Variants in ADARB1 observed in about 807,000 individuals in gnomAD.
ADARB1 encodes adenosine deaminase RNA specific B1, also known as double-stranded RNA-specific editase 1.
A neutral mutation model predicts 52.4 loss-of-function variants in ADARB1; 10 were observed. The observed-to-expected ratio is 0.19, with a 90% CI of 0.12 to 0.32. The LOEUF (loss-of-function observed/expected upper bound fraction) is 0.32, where lower values mean the gene tolerates loss of function less well. Ranked by LOEUF, ADARB1 falls within the 10% of genes least tolerant of loss-of-function variation. The pLI is 1.00. For missense variants in ADARB1, 643 were observed against 922.3 expected, an observed-to-expected ratio of 0.70 and a Z score of 3.92; for synonymous variants, 349 against 371.1, an observed-to-expected ratio of 0.94 and a Z score of 0.68.
intron 2 of ADARB1, among the ~76,000 whole-genome samples, chr21:45,154,848 G>T (rs1381911983): frequency 1.3e-5 from 2 of 152,222 alleles, no homozygotes; most frequent in African/African-American, 2.4e-5. Context: ...GAGCCACAGG[G>T]CAGGATTCTG....
chr21:45,161,824 CT>C (rs1467433570), intron 2 of ADARB1, among the ~76,000 whole-genome samples: 3 of 152,192 alleles, frequency 2.0e-5, no homozygotes, highest in African/African-American at 7.2e-5. Context: ...TCAGCACACA[CT>C]TTCCTCTGAA....
intron 4 of ADARB1, among the ~76,000 whole-genome samples, chr21:45,179,373 A>G (rs567022962): frequency 6.6e-6 from 1 of 152,374 alleles, no homozygotes; most frequent in Non-Finnish European, 1.5e-5. Flanking sequence ...ATTAAGGACC[A>G]ACCTGGGGAT....
At chr21:45,143,809 C>T (rs1052089534) in intron 2 of ADARB1, among the ~76,000 whole-genome samples, 4 of 152,248 alleles carry the variant, frequency 2.6e-5, no homozygotes, top group African/African-American at 4.8e-5. Context: ...CTCACCACCT[C>T]GCTGCAGTCT....
intron 8 of ADARB1, among the ~76,000 whole-genome samples, chr21:45,190,746 A>G (rs966741506): frequency 5.9e-5 from 9 of 152,182 alleles, no homozygotes; most frequent in African/African-American, 2.2e-4. Flanking sequence ...AAACTCTGGC[A>G]CCAGTCTCAT....
intron 9 of ADARB1, among the ~76,000 whole-genome samples, chr21:45,207,223 A>C (rs2092684157): frequency 6.6e-6 from 1 of 152,268 alleles, no homozygotes; most frequent in South Asian, 2.1e-4. Context: ...TTCAAAATGC[A>C]AACTATTTGA....
chr21:45,195,504 T>C (rs2092404747), intron 8 of ADARB1, among the ~76,000 whole-genome samples: 1 of 152,196 alleles, frequency 6.6e-6, no homozygotes, highest in Admixed American at 6.5e-5. Context: ...TAGATTTTCT[T>C]CTGTGTTATC....
chr21:45,131,477 G>A (rs898397214), intron 2 of ADARB1, among the ~76,000 whole-genome samples: 1 of 152,228 alleles, frequency 6.6e-6, no homozygotes, highest in South Asian at 2.1e-4. Context: ...CTTTCCACCT[G>A]CATGGAAGTC....
chr21:45,104,522 C>T (rs1448536701), intron 1 of ADARB1, among the ~76,000 whole-genome samples: 3 of 152,100 alleles, frequency 2.0e-5, no homozygotes, highest in African/African-American at 4.8e-5. Flanking sequence ...GAATGAGGGA[C>T]GAACCCAGAA....
intron 7 of ADARB1, 52 bp downstream of exon 7, chr21:45,183,562 A>G: frequency 6.3e-7 from 1 of 1,589,080 alleles, no homozygotes; most frequent in Non-Finnish European, 8.6e-7. Flanking sequence ...ATGTTAACAG[A>G]TAAAAACTAA....
intron 1 of ADARB1, among the ~76,000 whole-genome samples, chr21:45,111,525 G>T (rs1350062549): frequency 2.6e-5 from 4 of 152,068 alleles, no homozygotes; most frequent in African/African-American, 9.7e-5. Flanking sequence ...ACGTTCTATG[G>T]GTTTGTACAC....
chr21:45,185,156 A>G, intron 8 of ADARB1, 65 bp downstream of exon 8: 3 of 1,543,534 alleles, frequency 1.9e-6, no homozygotes, highest in East Asian at 2.3e-5. Flanking sequence ...CTGTTTGCCA[A>G]CCTCCCTTTT....
chr21:45,216,691 G>C (rs1314118204), intron 9 of ADARB1, among the ~76,000 whole-genome samples: 2 of 152,032 alleles, frequency 1.3e-5, no homozygotes, highest in African/African-American at 4.8e-5. Context: ...CTTTGGGGTA[G>C]AGTGATCTGT....
intron 1 of ADARB1, among the ~76,000 whole-genome samples, chr21:45,109,235 ATGTG>A (rs549207265): frequency 1.5e-5 from 2 of 134,412 alleles, no homozygotes; most frequent in Admixed American, 7.3e-5. Context: ...TTGTGTGTAT[ATGTG>A]TGTGCGCGCG....
At chr21:45,159,880 A>G (rs2090873175) in intron 2 of ADARB1, among the ~76,000 whole-genome samples, 1 of 152,238 alleles carries the variant, frequency 6.6e-6, no homozygotes, top group Non-Finnish European at 1.5e-5. Flanking sequence ...CCTGTTCCTG[A>G]GCCAACCTGT....
rs2091686965 is a variant in ADARB1, at chr21:45,176,186, A to G, written c.485A>G (p.Asn162Ser). 6.2e-7 allele frequency: 1 copy of G among 1,614,202 alleles called. No individual in the cohort carries two copies. Among genetic ancestry groups the G allele is most frequent in the East Asian group, 2.2e-5 (1 of 44,888 alleles). Residue 162 changes from asparagine (N) to serine (S), a missense_variant, in exon 4 of 11, where the codon AAC becomes AGC. Around this residue, in one of 2 missense-constraint regions of ADARB1, gnomAD observed 380 missense variants for 446.5 expected, o/e 0.85. Coordinates refer to ENST00000348831, the MANE Select transcript of ADARB1 (RefSeq NM_001112.4). This position sits in a 1 kb window ranked among gnomAD's most constrained non-coding sequence, Gnocchi z 5.8. ...HLAMGRTLSV[N>S]TDFTSDQADF... ...GCCATGGGGAGGACCCTGTCTGTCAACACGGACTTCACATCTGACCAGGCC... is the reference window on the plus strand; with the variant it reads ...GCCATGGGGAGGACCCTGTCTGTCAGCACGGACTTCACATCTGACCAGGCC...
At chr21:45,149,699 C>A (rs1601605741) in intron 2 of ADARB1, among the ~76,000 whole-genome samples, 1 of 152,172 alleles carries the variant, frequency 6.6e-6, no homozygotes, top group African/African-American at 2.4e-5. Context: ...TCAATAAGTG[C>A]ATATATCTCC....
At chr21:45,108,329 A>G (rs1177550994) in intron 1 of ADARB1, among the ~76,000 whole-genome samples, 1 of 152,158 alleles carries the variant, frequency 6.6e-6, no homozygotes, top group Non-Finnish European at 1.5e-5. Flanking sequence ...CTTGATAGCT[A>G]TTTCTAATAA....
chr21:45,103,343 C>T (rs1013424510), intron 1 of ADARB1, among the ~76,000 whole-genome samples: 6 of 151,846 alleles, frequency 4.0e-5, no homozygotes, highest in South Asian at 2.1e-4. Context: ...ATGATTCCAG[C>T]GCGTTACATT....
At position 45,157,565 on chromosome 21, in the gene ADARB1, A is replaced by C. The variant is rs995678129; in HGVS notation, c.-47-14045A>C. Among the ~76,000 whole-genome samples the C allele has an allele frequency of 1.2e-4, 19 of 152,124 alleles. No individual in the cohort carries two copies. The highest frequency in any genetic ancestry group is 2.2e-4 in the Non-Finnish European group (15 of 68,018). ...CTCTGACCTGTGATTTTGTTGCTGGATGTCTCCTTCAGCAGTTCATGTGGC... is the reference window on the plus strand; with the variant it reads ...CTCTGACCTGTGATTTTGTTGCTGGCTGTCTCCTTCAGCAGTTCATGTGGC... On this transcript the variant is annotated intron_variant, in intron 2 of 10. Coordinates refer to ENST00000348831, the MANE Select transcript of ADARB1 (RefSeq NM_001112.4). The surrounding 1 kb of genome is among the most constrained non-coding windows in gnomAD (Gnocchi z 4.1).
Sources: gnomAD v4.1 joint callset for allele counts (sites outside exome capture counted in the v4.1 genomes callset) on GRCh38, gnomAD v4.1.1 for gene constraint, gnomAD v4.1.1 regional missense constraint, Gnocchi (gnomAD v3.1) non-coding constraint, MANE v1.5 for transcripts, NCBI Gene and HGNC (gene_info 2026-07-23, HGNC 2026-07-21) for gene names.